Variants in CLASP1 observed in about 807,000 individuals in gnomAD.
CLASP1 encodes CLIP-associating protein 1.
In CLASP1, 38 loss-of-function variants were observed where a neutral mutation model predicts 192.3. The ratio of observed to expected loss-of-function variants is 0.20; its 90% CI spans 0.15 to 0.26. CLASP1 has a LOEUF of 0.26. CLASP1 is among the 10% of genes least tolerant of loss of function. The pLI is 1.00. For missense variants in CLASP1, 1,433 were observed against 1,932.5 expected (o/e 0.74, Z 4.85); for synonymous variants, 691 against 712.8 (o/e 0.97, Z 0.49).
At chr2:121,605,489 T>G (rs1266115082) in intron 2 of CLASP1, among the ~76,000 whole-genome samples, 1 of 152,240 alleles carries the variant, frequency 6.6e-6, no homozygotes, top group East Asian at 1.9e-4. Flanking sequence ...GTCAAAGTGC[T>G]AAAGGATGAG....
chr2:121,579,957 C>T (rs2060948944), intron 2 of CLASP1, among the ~76,000 whole-genome samples: 1 of 152,128 alleles, frequency 6.6e-6, no homozygotes, highest in African/African-American at 2.4e-5. Context: ...CAAAATTCAT[C>T]GAAACAGTTC....
At chr2:121,466,781 G>C (rs7587659) in intron 9 of CLASP1, among the ~76,000 whole-genome samples, 67 of 152,176 alleles carry the variant, frequency 4.4e-4, no homozygotes, top group African/African-American at 1.4e-3. Flanking sequence ...CATGTTGCTT[G>C]TAAGAACAAA....
intron 8 of CLASP1, among the ~76,000 whole-genome samples, chr2:121,480,437 C>T (rs72969342): frequency 0.039 from 5,863 of 152,168 alleles, 157 homozygotes; most frequent in East Asian, 0.14. Context: ...AACTTATAAC[C>T]AGGCTCCAGA....
chr2:121,577,857 T>G (rs925747935), intron 2 of CLASP1, among the ~76,000 whole-genome samples: 1 of 152,010 alleles, frequency 6.6e-6, no homozygotes, highest in Non-Finnish European at 1.5e-5. Context: ...GGAGAAGTGC[T>G]TGAGTCCAGG....
intron 34 of CLASP1, among the ~76,000 whole-genome samples, chr2:121,373,897 A>G (rs546125019): frequency 6.6e-6 from 1 of 152,386 alleles, no homozygotes; most frequent in South Asian, 2.1e-4. Context: ...AGCAGAGTGT[A>G]AAAGTTTGGA....
intron 18 of CLASP1, among the ~76,000 whole-genome samples, chr2:121,447,858 C>T (rs1282563740): frequency 6.6e-6 from 1 of 152,092 alleles, no homozygotes; most frequent in African/African-American, 2.4e-5. Context: ...ATAACTGTGC[C>T]ACGCCCTCTT....
intron 34 of CLASP1, among the ~76,000 whole-genome samples, chr2:121,373,500 G>C (rs1357473153): frequency 6.6e-6 from 1 of 152,180 alleles, no homozygotes; most frequent in Non-Finnish European, 1.5e-5. Flanking sequence ...CTGGGTAACG[G>C]ACAGAGGCTG....
At chr2:121,564,725 G>T (rs2059366071) in intron 2 of CLASP1, among the ~76,000 whole-genome samples, 1 of 152,220 alleles carries the variant, frequency 6.6e-6, no homozygotes, top group Non-Finnish European at 1.5e-5. Context: ...ACTCAGAGAA[G>T]TGAGGCATTG....
intron 33 of CLASP1, among the ~76,000 whole-genome samples, chr2:121,381,227 G>C (rs142196105): frequency 6.6e-6 from 1 of 152,098 alleles, no homozygotes; most frequent in African/African-American, 2.4e-5. Flanking sequence ...TCACTATGTA[G>C]ATTATTTGTA....
At chr2:121,544,613 T>C (rs996554609) in intron 2 of CLASP1, among the ~76,000 whole-genome samples, 40 of 152,306 alleles carry the variant, frequency 2.6e-4, no homozygotes, top group African/African-American at 8.7e-4. Context: ...ATTAGAATTC[T>C]ATATACTTGA....
chr2:121,531,000 T>G lies in CLASP1; in HGVS notation c.196-675A>C, dbSNP rs905928272. On this transcript the variant is annotated intron_variant, in intron 2 of 39. Transcript: ENST00000263710. The stretch of plus-strand genomic sequence containing the variant: ...CTTTTGCTTTATTTTGGTGCAATTT[T>G]TGGAAAAATGAAAACCTGTTTTCAT... The G allele has an allele frequency of 1.0e-5, 7 of 700,158 alleles. No homozygotes were observed. Among genetic ancestry groups the G allele is most frequent in the African/African-American group, 1.8e-5 (1 of 57,138 alleles). 43.4% of individuals were successfully genotyped at this position (700,158 alleles called of 1,614,324 possible). A position where few individuals can be genotyped will look rare whatever the true frequency, so the allele number is the denominator to read the frequency against.
chr2:121,359,399 C>T (rs1394989457), intron 37 of CLASP1, among the ~76,000 whole-genome samples: 3 of 152,210 alleles, frequency 2.0e-5, no homozygotes, highest in Non-Finnish European at 4.4e-5. Context: ...AGATTTTTAT[C>T]TCACACTGAC....
At chr2:121,476,483 C>G (rs1026249418) in intron 8 of CLASP1, among the ~76,000 whole-genome samples, 1 of 152,190 alleles carries the variant, frequency 6.6e-6, no homozygotes, top group East Asian at 1.9e-4. Context: ...TAATTAGAAG[C>G]TTTGGGCCAT....
At chr2:121,492,030 T>C (rs1239588848) in intron 8 of CLASP1, among the ~76,000 whole-genome samples, 1 of 152,190 alleles carries the variant, frequency 6.6e-6, no homozygotes, top group Admixed American at 6.5e-5. Flanking sequence ...AGTGCACTGT[T>C]GTTCACAAGC....
At chr2:121,566,628 T>C (rs1285130770) in intron 2 of CLASP1, among the ~76,000 whole-genome samples, 1 of 152,246 alleles carries the variant, frequency 6.6e-6, no homozygotes, top group Non-Finnish European at 1.5e-5. Context: ...ATTTACTGTG[T>C]GCAAAGCACA....
chr2:121,405,246 T>C (rs2076739038), intron 25 of CLASP1, among the ~76,000 whole-genome samples: 1 of 152,110 alleles, frequency 6.6e-6, no homozygotes, highest in East Asian at 1.9e-4. Context: ...GAGGCAGAGG[T>C]TGCAGTGAGC....
At chr2:121,499,237 C>T (rs2093650362) in intron 8 of CLASP1, among the ~76,000 whole-genome samples, 1 of 152,100 alleles carries the variant, frequency 6.6e-6, no homozygotes, top group South Asian at 2.1e-4. Flanking sequence ...CTTGTTCAGC[C>T]ATAAAAAGAA....
chr2:121,425,500 T>C (rs1047443737), intron 21 of CLASP1, among the ~76,000 whole-genome samples, 194 bp from the exon 22 acceptor site: 3 of 152,150 alleles, frequency 2.0e-5, no homozygotes, highest in African/African-American at 7.2e-5. Flanking sequence ...TAAAAGAATA[T>C]ACTTAGAAGA....
chr2:121,594,656 G>C (rs2062909992), intron 2 of CLASP1, among the ~76,000 whole-genome samples: 1 of 152,100 alleles, frequency 6.6e-6, no homozygotes, highest in South Asian at 2.1e-4. Flanking sequence ...CTCCCAAAGT[G>C]CTGGGATTAC....
Sources: allele counts gnomAD v4.1 joint callset (sites outside exome capture counted in the v4.1 genomes callset), GRCh38; gene constraint gnomAD v4.1.1; transcripts MANE v1.5; gene names NCBI Gene and HGNC (gene_info 2026-07-23, HGNC 2026-07-21).